Variants in ODAM observed in about 807,000 individuals in gnomAD.
ODAM encodes the protein odontogenic ameloblast-associated protein.
ODAM carries 55 observed loss-of-function variants against 48.5 expected under a neutral mutation model. The ratio of observed to expected loss-of-function variants is 1.13; its 90% CI spans 0.91 to 1.42. The LOEUF is 1.42. ODAM is among the 40% of genes most tolerant of loss of function. The pLI, the probability that ODAM is intolerant of heterozygous loss-of-function variation, is 0.00. For missense variants in ODAM, 353 were observed against 323.6 expected, an observed-to-expected ratio of 1.09 and a Z score of -0.70; for synonymous variants, 127 against 107.8, an observed-to-expected ratio of 1.18 and a Z score of -1.10.
In ODAM at chr4:70,195,742, A is replaced by C. The variant is rs1729341445; in HGVS notation, c.-67A>C. The C allele has an allele frequency of 1.0e-6, 1 of 983,098 alleles. No individual in the cohort carries two copies. Among genetic ancestry groups the C allele is most frequent in the Non-Finnish European group, 1.2e-6 (1 of 828,064 alleles). The allele number at this position is 983,098 out of a possible 1,614,324, so 60.9% of individuals were successfully genotyped here. On this transcript the variant is annotated 5_prime_UTR_variant, in exon 1 of 12. Coordinates refer to ENST00000683306, the MANE Select transcript of ODAM (RefSeq NM_017855.4). ...CAAGCAGTAGAGCTGAGAGAGGAAA[A>C]GAACACAGATCTCGCATGGTTCAGA...
intron 5 of ODAM, 34 bp downstream of exon 5, chr4:70,198,191 G>C: frequency 6.5e-7 from 1 of 1,529,296 alleles, no homozygotes; most frequent in Non-Finnish European, 9.0e-7. Flanking sequence ...GTTCTGAGGA[G>C]AGAGAACTGC....
chr4:70,197,392 A>G, intron 4 of ODAM, 71 bp downstream of exon 4: 4 of 891,828 alleles, frequency 4.5e-6, no homozygotes, highest in Non-Finnish European at 7.4e-6. Flanking sequence ...TTTGTAAGAA[A>G]ACAAAATGTT....
chr4:70,203,336 G>A (rs186282771), intron 11 of ODAM, 122 bp downstream of exon 11: 2 of 591,792 alleles, frequency 3.4e-6, no homozygotes, highest in South Asian at 2.3e-5. Context: ...AAACAAGTTA[G>A]CTATATATAC....
chr4:70,199,138 G>A (rs1194500024), intron 6 of ODAM, among the ~76,000 whole-genome samples: 3 of 151,740 alleles, frequency 2.0e-5, no homozygotes, highest in Non-Finnish European at 4.4e-5. Context: ...ACAATCAAAT[G>A]GTAATTTTTT....
At position 70,196,750 on chromosome 4, in the gene ODAM, A is replaced by C. The variant is rs773839802; in HGVS notation, c.93+17A>C. 6.3e-7 allele frequency: 1 copy of C among 1,586,150 alleles called. No individual in the cohort carries two copies. The highest frequency in any genetic ancestry group is 1.1e-5 in the South Asian group (1 of 87,092). On this transcript the variant is annotated intron_variant, in intron 3 of 11. Transcript: ENST00000683306. The stretch of plus-strand genomic sequence containing the variant: ...AGCAATGAGGTTAGTTTAAATAATT[A>C]AAACAATCTCCTCCTTTTTTTAATG...
chr4:70,202,989 T>A, intron 10 of ODAM, 72 bp downstream of exon 10: 1 of 1,439,420 alleles, frequency 6.9e-7, no homozygotes, highest in Non-Finnish European at 9.6e-7. Flanking sequence ...AAATTAGTGC[T>A]TTAATTTATA....
chr4:70,203,648 C>CT (rs1426658553), intron 11 of ODAM, among the ~76,000 whole-genome samples: 1 of 151,852 alleles, frequency 6.6e-6, no homozygotes, highest in African/African-American at 2.4e-5. Context: ...AATTCCATGA[C>CT]TTTTATATCA....
chr4:70,198,220 A>G, intron 5 of ODAM, 63 bp downstream of exon 5: 1 of 1,347,596 alleles, frequency 7.4e-7, no homozygotes, highest in Non-Finnish European at 1.0e-6. Flanking sequence ...TCTGACAATG[A>G]ATATGAATCA....
At position 70,203,218 on chromosome 4, in the gene ODAM, G is replaced by T. The variant is rs1729547393; in HGVS notation, c.*29+4G>T. ...CCCTGATCATTCAGACATTTTGGTA[G>T]GTATTTGCCAAAGTCAAGAATTAGG... On this transcript the variant is annotated splice_donor_region_variant and intron_variant, in intron 11 of 11. Transcript: ENST00000683306. 6.4e-7 allele frequency: 1 copy of T among 1,550,484 alleles called. No individual in the cohort carries two copies. The highest frequency in any genetic ancestry group is 8.9e-7 in the Non-Finnish European group (1 of 1,125,096).
At chr4:70,201,328 C>A in intron 7 of ODAM, 126 bp from the exon 8 acceptor site, 1 of 532,926 alleles carries the variant, frequency 1.9e-6, no homozygotes, top group South Asian at 2.8e-5. Flanking sequence ...GTTACTGGAA[C>A]ATATAAACTT....
At chr4:70,197,861 A>G in intron 4 of ODAM, 63 bp from the exon 5 acceptor site, 1 of 1,355,758 alleles carries the variant, frequency 7.4e-7, no homozygotes, top group Non-Finnish European at 1.0e-6. Flanking sequence ...CTTGCTCAGG[A>G]CTAATTTTTA....
At chr4:70,198,804 A>C (rs1285175783) in intron 6 of ODAM, among the ~76,000 whole-genome samples, 178 bp downstream of exon 6, 1 of 151,782 alleles carries the variant, frequency 6.6e-6, no homozygotes, top group Non-Finnish European at 1.5e-5. Flanking sequence ...TCACTTAACA[A>C]CTCCTTAAGG....
chr4:70,200,935 T>C (rs1729481428), intron 7 of ODAM, among the ~76,000 whole-genome samples: 1 of 151,930 alleles, frequency 6.6e-6, no homozygotes, highest in Non-Finnish European at 1.5e-5. Context: ...GTGTGTGTGG[T>C]TACTATTTAA....
chr4:70,202,749 T>C lies in ODAM; in HGVS notation c.649-7T>C, dbSNP rs761060906. The stretch of plus-strand genomic sequence containing the variant: ...GACAACTTTGTTTTCATTCTCATTC[T>C]CTGTAGTCAACAGGAGAAGAGATAC... On this transcript the variant is annotated splice_polypyrimidine_tract_variant and splice_region_variant and intron_variant, in intron 9 of 11. Coordinates refer to ENST00000683306, the MANE Select transcript of ODAM (RefSeq NM_017855.4). The C allele has an allele frequency of 1.0e-5, 16 of 1,598,058 alleles. No homozygotes were observed. The highest frequency in any genetic ancestry group is 1.3e-5 in the Non-Finnish European group (15 of 1,173,040).
At chr4:70,198,657 G>A (rs373276561) in intron 6 of ODAM, 31 bp downstream of exon 6, 188 of 1,559,082 alleles carry the variant, frequency 1.2e-4, no homozygotes, top group Non-Finnish European at 1.6e-4. Context: ...TGCCCATAGA[G>A]ATGGCTACAT....
chr4:70,202,668 A>G, intron 9 of ODAM, 88 bp from the exon 10 acceptor site: 1 of 933,296 alleles, frequency 1.1e-6, no homozygotes, highest in South Asian at 1.9e-5. Context: ...CTTTTGTTAC[A>G]TCTCAATCCT....
Position 70,200,547 on chromosome 4 carries a change from G to A in ODAM, c.474G>A (p.Gln158=), listed in dbSNP as rs754822339. 6.2e-7 allele frequency: 1 copy of A among 1,611,542 alleles called. No homozygotes were observed. Among genetic ancestry groups the A allele is most frequent in the South Asian group, 1.1e-5 (1 of 90,982 alleles). The change falls in exon 7 of 12, where the codon CAG becomes CAA. Residue 158 remains glutamine, a synonymous_variant. Transcript: ENST00000683306. ...VYMVLPWEQP[Q]QTVPRSPQQT... The stretch of plus-strand genomic sequence containing the variant: ...TGGTCCTACCCTGGGAACAACCTCA[G>A]CAAACAGTTCCAAGGTCACCTCAAC...
chr4:70,197,349 G>C (rs773111600), intron 4 of ODAM, 28 bp downstream of exon 4: 16 of 1,220,294 alleles, frequency 1.3e-5, no homozygotes, highest in Non-Finnish European at 1.5e-5. Context: ...ATTACTTTAT[G>C]GGGAATATTT....
chr4:70,196,475 C>A, intron 1 of ODAM, 54 bp from the exon 2 acceptor site: 1 of 981,822 alleles, frequency 1.0e-6, no homozygotes, highest in Non-Finnish European at 1.5e-6. Flanking sequence ...ATTATTTTGT[C>A]ATGAATTTTA....
Sources: allele counts gnomAD v4.1 joint callset (sites outside exome capture counted in the v4.1 genomes callset), GRCh38; gene constraint gnomAD v4.1.1; transcripts MANE v1.5; gene names NCBI Gene and HGNC (gene_info 2026-07-23, HGNC 2026-07-21).